Variants in CEP70 observed in about 807,000 individuals in gnomAD.
The protein encoded by CEP70 is centrosomal protein of 70 kDa.
CEP70 carries 70 observed loss-of-function variants against 90.9 expected under a neutral mutation model. That is an observed-to-expected ratio of 0.77 (90% CI 0.64 to 0.94). The LOEUF (loss-of-function observed/expected upper bound fraction) is 0.94. CEP70 is among the 40% of genes least tolerant of loss of function. CEP70 has a pLI of 0.00. For synonymous variants in CEP70, 220 were observed against 228.3 expected (o/e 0.96, Z 0.33); for missense variants, 648 against 669.0 (o/e 0.97, Z 0.35).
chr3:138,522,704 A>G (rs1027997537), intron 11 of CEP70, among the ~76,000 whole-genome samples: 3 of 152,206 alleles, frequency 2.0e-5, no homozygotes, highest in African/African-American at 7.2e-5. Flanking sequence ...TAGACCAATA[A>G]TAGGCTCTGA....
intron 6 of CEP70, among the ~76,000 whole-genome samples, chr3:138,548,085 A>G (rs992451708): frequency 1.3e-5 from 2 of 152,204 alleles, no homozygotes; most frequent in African/African-American, 4.8e-5. Context: ...AGAACTACAG[A>G]CGAATATCTA....
chr3:138,546,229 C>G (rs2039188213), intron 6 of CEP70, among the ~76,000 whole-genome samples: 1 of 152,072 alleles, frequency 6.6e-6, no homozygotes, highest in Non-Finnish European at 1.5e-5. Flanking sequence ...TTAGGGAAAA[C>G]AGAAAGAACC....
At chr3:138,551,027 G>A (rs560270975) in intron 6 of CEP70, among the ~76,000 whole-genome samples, 1 of 152,284 alleles carries the variant, frequency 6.6e-6, no homozygotes, top group East Asian at 1.9e-4. Context: ...AAGAACACCT[G>A]AGAAATTCAT....
intron 6 of CEP70, among the ~76,000 whole-genome samples, chr3:138,566,077 G>T (rs1230968819): frequency 6.6e-6 from 1 of 152,186 alleles, no homozygotes. Flanking sequence ...ATGAAAAAAA[G>T]CTCATTATCA....
intron 2 of CEP70, among the ~76,000 whole-genome samples, chr3:138,578,159 G>A (rs1043753209): frequency 6.6e-6 from 1 of 152,218 alleles, no homozygotes; most frequent in African/African-American, 2.4e-5. Flanking sequence ...GTTTCAATCT[G>A]CAGTCGGTTG....
chr3:138,500,702 A>G (rs756574638), intron 14 of CEP70, 33 bp downstream of exon 14: 2 of 1,538,574 alleles, frequency 1.3e-6, no homozygotes, highest in Admixed American at 4.4e-5. Context: ...GAGATAAGAA[A>G]CATTAGAAGG....
intron 10 of CEP70, among the ~76,000 whole-genome samples, chr3:138,528,346 T>C (rs1385058239): frequency 1.3e-5 from 2 of 152,166 alleles, no homozygotes; most frequent in Non-Finnish European, 2.9e-5. Flanking sequence ...GCCCAGCTTA[T>C]TTGAAGTTCT....
intron 2 of CEP70, among the ~76,000 whole-genome samples, chr3:138,589,454 A>C (rs1425339543): frequency 6.6e-6 from 1 of 151,408 alleles, no homozygotes; most frequent in Non-Finnish European, 1.5e-5. Flanking sequence ...TGGGTTCATG[A>C]CCAGCCTGGG....
At chr3:138,503,656 C>T (rs1364117851) in intron 13 of CEP70, among the ~76,000 whole-genome samples, 1 of 152,152 alleles carries the variant, frequency 6.6e-6, no homozygotes, top group African/African-American at 2.4e-5. Flanking sequence ...TTAATAATTT[C>T]TTCTTGGGTG....
intron 2 of CEP70, among the ~76,000 whole-genome samples, chr3:138,575,178 C>G (rs898578396): frequency 3.9e-5 from 6 of 152,070 alleles, no homozygotes; most frequent in Non-Finnish European, 8.8e-5. Context: ...ATGTTCAAAC[C>G]CATCACAAGG....
chr3:138,570,531 G>A lies in CEP70; in HGVS notation c.285-33C>T, dbSNP rs551778830. 4 of 1,526,742 alleles carry A rather than the reference G, an allele frequency of 2.6e-6. No homozygotes were observed. In the South Asian group the frequency reaches 5.0e-5, roughly 19 times the overall value. The allele number at this position is 1,526,742 out of a possible 1,614,324, so 94.6% of individuals were successfully genotyped here. ...AATAGACATACAATTTCTTCCCTTAGTATTAAAAATAAATCGAATTACCAA... is the reference window on the plus strand; with the variant it reads ...AATAGACATACAATTTCTTCCCTTAATATTAAAAATAAATCGAATTACCAA... On this transcript the variant is annotated intron_variant, in intron 5 of 17. Transcript: ENST00000264982.
Position 138,537,363 on chromosome 3 carries a change from T to G in CEP70, c.466-16A>C. On this transcript the variant is annotated splice_polypyrimidine_tract_variant and intron_variant, in intron 6 of 17. Transcript: ENST00000264982. Reference sequence around the variant, plus strand: ...GGCACTTCACCTATAAGATATTTTTTAAAAACATGATTATGATATGTACAT... The same window carrying G: ...GGCACTTCACCTATAAGATATTTTTGAAAAACATGATTATGATATGTACAT... 2 of 1,537,538 alleles carry G rather than the reference T, an allele frequency of 1.3e-6. No individual in the cohort carries two copies. Among genetic ancestry groups the G allele is most frequent in the Non-Finnish European group, 1.8e-6 (2 of 1,137,580 alleles).
chr3:138,530,511 AC>A (rs2037715735), intron 8 of CEP70: 1 of 830,578 alleles, frequency 1.2e-6, no homozygotes, highest in South Asian at 5.5e-5. Context: ...GATAAAAACA[AC>A]AACAACAACA....
intron 6 of CEP70, among the ~76,000 whole-genome samples, chr3:138,548,663 A>G (rs1412257730): frequency 6.6e-6 from 1 of 152,220 alleles, no homozygotes; most frequent in Non-Finnish European, 1.5e-5. Flanking sequence ...GTAAAGAAAC[A>G]AGACATGGAA....
At chr3:138,546,880 T>C (rs1024577299) in intron 6 of CEP70, among the ~76,000 whole-genome samples, 5 of 152,204 alleles carry the variant, frequency 3.3e-5, no homozygotes, top group African/African-American at 4.8e-5. Flanking sequence ...AAATCTCTTA[T>C]GGAACAGGAC....
At chr3:138,541,243 G>A (rs75036170) in intron 6 of CEP70, among the ~76,000 whole-genome samples, 32 of 152,126 alleles carry the variant, frequency 2.1e-4, no homozygotes, top group African/African-American at 7.0e-4. Context: ...TAATAAATAA[G>A]TACATTCTCA....
Position 138,571,317 on chromosome 3 carries a change from T to C in CEP70, c.109A>G (p.Met37Val). Residue 37 changes from methionine to valine, a missense_variant, in exon 4 of 18, where the codon ATG (methionine) becomes GTG (valine). Met to Val is a conservative substitution (Grantham distance 21). Coordinates refer to ENST00000264982, the MANE Select transcript of CEP70 (RefSeq NM_024491.4). ...GACAAAGGTTTTAAGCCATGCATCA[T>C]CAATAGCACATTTATGCTTTCCCAT... Reference protein sequence around the residue: ...AEWESINVLLMMHGLKPLSLV... With the variant: ...AEWESINVLLVMHGLKPLSLV... The C allele has an allele frequency of 1.9e-6, 3 of 1,611,742 alleles. No individual in the cohort carries two copies. Among genetic ancestry groups the C allele is most frequent in the Non-Finnish European group, 2.5e-6 (3 of 1,178,858 alleles).
intron 6 of CEP70, among the ~76,000 whole-genome samples, chr3:138,557,360 G>A (rs566444779): frequency 3.9e-5 from 6 of 152,052 alleles, no homozygotes; most frequent in Admixed American, 6.6e-5. Context: ...GTCCTGAGGC[G>A]ACATACATCC....
In CEP70 at chr3:138,530,188, G is replaced by A. The variant is rs982741185; in HGVS notation, c.693-726C>T. On this transcript the variant is annotated intron_variant, in intron 8 of 17. Coordinates refer to ENST00000264982, the MANE Select transcript of CEP70 (RefSeq NM_024491.4). ...ATAGCTACATGAGCTAGTGGTTACC[G>A]CTTAACACTTGAAATACGGGTAATG... is the stretch of plus-strand genomic sequence containing the variant. Among the ~76,000 whole-genome samples, 8 of 152,242 alleles carry A rather than the reference G, an allele frequency of 5.3e-5. No individual in the cohort carries two copies. In the East Asian group the frequency reaches 1.2e-3, roughly 22 times the overall value.
Sources: allele counts gnomAD v4.1 joint callset (sites outside exome capture counted in the v4.1 genomes callset), GRCh38; gene constraint gnomAD v4.1.1; transcripts MANE v1.5; gene names NCBI Gene and HGNC (gene_info 2026-07-23, HGNC 2026-07-21).